Variants in TTC3 observed in about 807,000 individuals in gnomAD.
The protein encoded by TTC3 is tetratricopeptide repeat domain 3.
A neutral mutation model predicts 249.6 loss-of-function variants in TTC3; 180 were observed. The ratio of observed to expected loss-of-function variants is 0.72; its 90% CI spans 0.64 to 0.82. TTC3 has a LOEUF of 0.82. Ranked by LOEUF, TTC3 falls within the 40% of genes least tolerant of loss-of-function variation. TTC3 has a pLI of 0.00. For missense variants in TTC3, 2,061 were observed against 2,398.4 expected (o/e 0.86, Z 2.94); for synonymous variants, 717 against 805.0 (o/e 0.89, Z 1.85).
At chr21:37,099,325 C>T (rs1133890) in intron 10 of TTC3, among the ~76,000 whole-genome samples, 18,007 of 152,138 alleles carry the variant, frequency 0.12, 1,338 homozygotes, top group Non-Finnish European at 0.17. Context: ...ATCACAACTA[C>T]GTGAGGTAGG....
chr21:37,196,594 T>C (rs2084939520), intron 42 of TTC3, among the ~76,000 whole-genome samples: 1 of 152,228 alleles, frequency 6.6e-6, no homozygotes, highest in African/African-American at 2.4e-5. Flanking sequence ...CTGGGTAATA[T>C]TCATCAGAAC....
At chr21:37,142,110 A>G (rs1240799189) in intron 20 of TTC3, among the ~76,000 whole-genome samples, 3 of 152,200 alleles carry the variant, frequency 2.0e-5, no homozygotes, top group Admixed American at 2.0e-4. Context: ...TCAAAATAAT[A>G]AAAGCTATTT....
intron 36 of TTC3, 120 bp downstream of exon 36, chr21:37,183,033 G>A: frequency 1.1e-6 from 1 of 886,096 alleles, no homozygotes; most frequent in South Asian, 2.3e-5. Context: ...AATGAATACT[G>A]TTTTCATTGT....
At chr21:37,151,837 C>T (rs1209731877) in intron 25 of TTC3, 56 bp from the exon 26 acceptor site, 53 of 1,479,192 alleles carry the variant, frequency 3.6e-5, no homozygotes, top group Middle Eastern at 2.5e-4. Context: ...ATGGTTTCTA[C>T]GATAGTCAAA....
Position 37,164,158 on chromosome 21 carries a change from T to G in TTC3, c.3278T>G (p.Val1093Gly), listed in dbSNP as rs769945243. Residue 1093 changes from valine to glycine, a missense_variant, in exon 32 of 46, where the codon GTC (valine) becomes GGC (glycine). Val to Gly is a moderately radical substitution (Grantham distance 109). Coordinates refer to ENST00000355666, the Ensembl canonical transcript of TTC3. Reference sequence around the variant, plus strand: ...GACCAACACAGTAACGAATATGTTGTCCGCAATAAGAAGCTATGGGACATG... The same window carrying G: ...GACCAACACAGTAACGAATATGTTGGCCGCAATAAGAAGCTATGGGACATG... The G allele has an allele frequency of 1.7e-5, 27 of 1,613,316 alleles. No individual in the cohort carries two copies. The highest frequency in any genetic ancestry group is 3.3e-5 in the Admixed American group (2 of 59,884).
chr21:37,185,731 G>A, exon 37 of TTC3: 1 of 1,553,366 alleles, frequency 6.4e-7, no homozygotes, highest in Non-Finnish European at 8.7e-7. Flanking sequence ...TGATGGAAAG[G>A]AAAAGGAACA....
intron 10 of TTC3, among the ~76,000 whole-genome samples, chr21:37,104,853 G>C (rs539362980): frequency 6.6e-6 from 1 of 152,278 alleles, no homozygotes; most frequent in East Asian, 1.9e-4. Flanking sequence ...AATTAACCTA[G>C]AGTAAAGCTT....
chr21:37,148,894 G>A (rs879455055), intron 23 of TTC3, among the ~76,000 whole-genome samples: 3 of 152,076 alleles, frequency 2.0e-5, no homozygotes, highest in African/African-American at 4.8e-5. Context: ...TGGTGCAGTC[G>A]TAGCTCACTG....
At chr21:37,122,266 A>G (rs536421114) in intron 12 of TTC3, among the ~76,000 whole-genome samples, 1 of 151,906 alleles carries the variant, frequency 6.6e-6, no homozygotes, top group Non-Finnish European at 1.5e-5. Flanking sequence ...AGAAATTTTG[A>G]ATAAAATAAA....
chr21:37,144,098 TG>T (rs1258122219), intron 20 of TTC3, among the ~76,000 whole-genome samples: 2 of 149,188 alleles, frequency 1.3e-5, no homozygotes, highest in African/African-American at 2.5e-5. Context: ...TGTTGTGAGG[TG>T]GGGGGAGGGG....
At chr21:37,155,584 G>C (rs926430667) in intron 27 of TTC3, among the ~76,000 whole-genome samples, 1 of 152,194 alleles carries the variant, frequency 6.6e-6, no homozygotes, top group Non-Finnish European at 1.5e-5. Flanking sequence ...TTTTGACTCT[G>C]AGCAATCTCT....
rs554487265 is a variant in TTC3, at chr21:37,108,806, T to A, written c.900+360T>A. The stretch of plus-strand genomic sequence containing the variant: ...CAGGAAAAGATTTCTTAACACACAG[T>A]GCACAAATCAGCAGTGAAGACAACC... On this transcript the variant is annotated intron_variant, in intron 11 of 45. Coordinates refer to ENST00000355666, the Ensembl canonical transcript of TTC3. Among the ~76,000 whole-genome samples, 4 of 152,266 alleles carry A rather than the reference T, an allele frequency of 2.6e-5. No homozygotes were observed. In the East Asian group the frequency reaches 7.7e-4, roughly 29 times the overall value.
intron 1 of TTC3, among the ~76,000 whole-genome samples, chr21:37,079,829 T>G (rs1368599211): frequency 6.6e-6 from 1 of 152,052 alleles, no homozygotes; most frequent in Admixed American, 6.5e-5. Flanking sequence ...CCACCGCTCG[T>G]GGTATGGCAT....
intron 20 of TTC3, among the ~76,000 whole-genome samples, chr21:37,143,676 T>A (rs1415915516): frequency 6.6e-6 from 1 of 151,066 alleles, no homozygotes; most frequent in African/African-American, 2.4e-5. Flanking sequence ...ATTGTGGAAG[T>A]CAGTGTGGCG....
chr21:37,123,821 T>G (rs2076822804), intron 13 of TTC3, among the ~76,000 whole-genome samples: 1 of 152,020 alleles, frequency 6.6e-6, no homozygotes, highest in Non-Finnish European at 1.5e-5. Context: ...TGATGTCGGC[T>G]CACTGCAACC....
At chr21:37,117,835 CAAAAAA>C (rs60664616) in intron 11 of TTC3, among the ~76,000 whole-genome samples, 6 of 73,442 alleles carry the variant, frequency 8.2e-5, no homozygotes, top group African/African-American at 1.7e-4. Context: ...TGCGCCACTT[CAAAAAA>C]AAAAAAAAAA....
At chr21:37,147,697 T>C in intron 22 of TTC3, 94 bp downstream of exon 22, 1 of 1,444,024 alleles carries the variant, frequency 6.9e-7, no homozygotes. Flanking sequence ...CCAAGTTCTC[T>C]GGCTAGTTAG....
chr21:37,162,663 A>AT (rs11415334), intron 31 of TTC3, among the ~76,000 whole-genome samples: 152,245 of 152,252 alleles, frequency 1, 76,119 homozygotes, highest in Middle Eastern at 1. Flanking sequence ...GCAGTTAAAA[A>AT]TTACGTGGTC....
intron 11 of TTC3, among the ~76,000 whole-genome samples, chr21:37,117,286 C>T (rs2076216892): frequency 6.6e-6 from 1 of 152,042 alleles, no homozygotes; most frequent in African/African-American, 2.4e-5. Context: ...CCTTATTTTA[C>T]ACATGAAGCA....
Sources: allele counts gnomAD v4.1 joint callset (sites outside exome capture counted in the v4.1 genomes callset), GRCh38; gene constraint gnomAD v4.1.1; transcripts MANE v1.5; gene names NCBI Gene and HGNC (gene_info 2026-07-23, HGNC 2026-07-21).